The following SGCD variants were observed in gnomAD, a reference collection of about 807,000 sequenced individuals.
SGCD encodes delta-sarcoglycan.
SGCD carries 18 observed loss-of-function variants against 36.6 expected under a neutral mutation model. The ratio of observed to expected loss-of-function variants is 0.49; its 90% confidence interval spans 0.34 to 0.73. The LOEUF is 0.73. Among genes scored for constraint, SGCD ranks in the 30% least tolerant of loss-of-function variants. SGCD has a pLI of 0.01. For synonymous variants in SGCD, 133 were observed against 130.6 expected (o/e 1.02, Z -0.12); for missense variants, 387 against 346.7 (o/e 1.12, Z -0.92).
intron 3 of SGCD, among the ~76,000 whole-genome samples, chr5:156,352,277 G>A: frequency 6.6e-6 from 1 of 152,082 alleles, no homozygotes; most frequent in East Asian, 1.9e-4. Context: ...AGATGAAATA[G>A]GAACCTTAGG....
chr5:155,955,626 G>A (rs1368639310), intron 1 of SGCD, among the ~76,000 whole-genome samples: 1 of 152,118 alleles, frequency 6.6e-6, no homozygotes, highest in Non-Finnish European at 1.5e-5. Flanking sequence ...TTGATTTAGA[G>A]TCAAGTATTT....
At chr5:156,594,898 CCTCT>C (rs755805697) in intron 5 of SGCD, 30 bp from the exon 6 acceptor site, 2 of 1,414,206 alleles carry the variant, frequency 1.4e-6, no homozygotes, top group Non-Finnish European at 2.0e-6. Context: ...TCTCCTCTCT[CCTCT>C]CTATCTCTCT....
chr5:155,745,736 A>G, the SGCD span, among the ~76,000 whole-genome samples: 1 of 152,242 alleles, frequency 6.6e-6, no homozygotes, highest in Non-Finnish European at 1.5e-5. Flanking sequence ...AAGGAAAAAC[A>G]TGAACAGTTG....
chr5:156,723,067 GA>G (rs1459884791), intron 7 of SGCD, among the ~76,000 whole-genome samples: 4 of 152,214 alleles, frequency 2.6e-5, no homozygotes, highest in Admixed American at 1.3e-4. Flanking sequence ...CCTTTGCCTA[GA>G]GAGGGTTAAA....
At chr5:156,074,795 A>C (rs1444902116) in intron 1 of SGCD, among the ~76,000 whole-genome samples, 3 of 152,238 alleles carry the variant, frequency 2.0e-5, no homozygotes, top group Non-Finnish European at 4.4e-5. Flanking sequence ...TGATAATAGC[A>C]TTCATGTTTT....
intron 1 of SGCD, among the ~76,000 whole-genome samples, chr5:155,914,119 G>T (rs1373428083): frequency 2.0e-5 from 3 of 152,120 alleles, no homozygotes; most frequent in African/African-American, 7.2e-5. Flanking sequence ...CTAGTGAATG[G>T]AAGAAACCTT....
chr5:156,329,239 A>C (rs2127701425), intron 1 of SGCD, among the ~76,000 whole-genome samples: 1 of 152,270 alleles, frequency 6.6e-6, no homozygotes, highest in South Asian at 2.1e-4. Context: ...CTGGGCAGTG[A>C]GGGTGGAGGG....
At chr5:156,639,369 G>A (rs1015663015) in intron 6 of SGCD, among the ~76,000 whole-genome samples, 2 of 152,154 alleles carry the variant, frequency 1.3e-5, no homozygotes, top group Non-Finnish European at 2.9e-5. Flanking sequence ...ATTCACATGT[G>A]TCAAAATTCC....
chr5:156,422,363 A>G (rs947343264), intron 3 of SGCD, among the ~76,000 whole-genome samples: 4 of 151,614 alleles, frequency 2.6e-5, no homozygotes, highest in Admixed American at 6.6e-5. Context: ...TCTGTGTTTG[A>G]CTCTTCTTTC....
At chr5:156,371,218 T>C (rs559452339) in intron 3 of SGCD, among the ~76,000 whole-genome samples, 1 of 152,332 alleles carries the variant, frequency 6.6e-6, no homozygotes, top group South Asian at 2.1e-4. Flanking sequence ...TCCTTATGTT[T>C]GTATCATGAA....
At chr5:156,086,108 C>T (rs1761085334) in intron 1 of SGCD, among the ~76,000 whole-genome samples, 1 of 152,206 alleles carries the variant, frequency 6.6e-6, no homozygotes, top group African/African-American at 2.4e-5. Flanking sequence ...AACATTTTAT[C>T]ACTTCAGGCA....
intron 3 of SGCD, among the ~76,000 whole-genome samples, chr5:156,390,016 A>G (rs80312521): frequency 0.014 from 2,077 of 152,270 alleles, 21 homozygotes; most frequent in Non-Finnish European, 0.023. Flanking sequence ...TCGTCGTCTT[A>G]TGGTATTGAA....
intron 3 of SGCD, among the ~76,000 whole-genome samples, chr5:156,498,755 A>G (rs181973658): frequency 2.0e-3 from 312 of 152,328 alleles, no homozygotes; most frequent in African/African-American, 7.0e-3. Context: ...TTGTGTGAAC[A>G]TACGTTTTTA....
chr5:156,724,209 A>G (rs1455419490), intron 7 of SGCD, among the ~76,000 whole-genome samples: 2 of 152,236 alleles, frequency 1.3e-5, no homozygotes, highest in Non-Finnish European at 2.9e-5. Flanking sequence ...GCACTGCACC[A>G]GGGTAGGCAC....
At chr5:155,818,579 G>A in the SGCD span, among the ~76,000 whole-genome samples, 1 of 152,206 alleles carries the variant, frequency 6.6e-6, no homozygotes, top group Admixed American at 6.5e-5. Flanking sequence ...GGAGTGCAGT[G>A]ACAGGATCAT....
At chr5:155,949,883 T>G (rs1353235937) in intron 1 of SGCD, among the ~76,000 whole-genome samples, 1 of 152,204 alleles carries the variant, frequency 6.6e-6, no homozygotes, top group African/African-American at 2.4e-5. Context: ...CCTCCTATCA[T>G]GTTACAGCCT....
Position 155,937,029 on chromosome 5 carries a change from G to C in SGCD, c.-282+66605G>C, listed in dbSNP as rs191940794. ...GGGAGTGGGGGGAGAGACCAGACAG[G>C]GGTAGCAGACACGTCCAAGCCTGCG... On this transcript the variant is annotated intron_variant, in intron 1 of 9. Transcript: ENST00000517913. Among the ~76,000 whole-genome samples the C allele has an allele frequency of 1.1e-3, 163 of 152,258 alleles. 1 individual carries two copies. Among genetic ancestry groups the C allele is most frequent in the African/African-American group, 3.8e-3 (158 of 41,544 alleles).
At chr5:156,392,009 T>A (rs757369661) in intron 3 of SGCD, among the ~76,000 whole-genome samples, 2 of 152,254 alleles carry the variant, frequency 1.3e-5, no homozygotes, top group African/African-American at 2.4e-5. Context: ...TTAGCAACTT[T>A]AGTTCTTTTA....
chr5:156,510,478 T>C (rs920511747), intron 4 of SGCD, among the ~76,000 whole-genome samples: 1 of 152,258 alleles, frequency 6.6e-6, no homozygotes, highest in African/African-American at 2.4e-5. Context: ...AGTTGAACTT[T>C]AGACTAATAG....
Sources: gnomAD v4.1 joint callset for allele counts (sites outside exome capture counted in the v4.1 genomes callset) on GRCh38, gnomAD v4.1.1 for gene constraint, MANE v1.5 for transcripts, NCBI Gene and HGNC (gene_info 2026-07-23, HGNC 2026-07-21) for gene names.